The following SKAP1 variants were observed in gnomAD, a reference collection of about 807,000 sequenced individuals.
The protein encoded by SKAP1 is src kinase associated phosphoprotein 1, also known as src kinase-associated phosphoprotein 1.
In SKAP1, 44 loss-of-function variants were observed where a neutral mutation model predicts 58.5. The ratio of observed to expected loss-of-function variants is 0.75; its 90% confidence interval spans 0.59 to 0.97. The LOEUF is 0.97. Ranked by LOEUF, SKAP1 falls within the 50% of genes least tolerant of loss-of-function variation. The pLI is 0.00. For synonymous variants in SKAP1, 127 were observed against 149.7 expected, an observed-to-expected ratio of 0.85 and a Z score of 1.11; for missense variants, 390 against 435.2, an observed-to-expected ratio of 0.90 and a Z score of 0.92.
rs200009133 is a variant in SKAP1 at position 48,320,818 on chromosome 17, C to T, written c.280+25087G>A. Among the ~76,000 whole-genome samples, 12 of 152,058 alleles carry T rather than the reference C, an allele frequency of 7.9e-5. No individual in the cohort carries two copies. In the East Asian group the frequency reaches 2.3e-3, roughly 29 times the overall value. Reference sequence around the variant, plus strand: ...TCAGTAATAGTGGTAATTAAAAGAACAATAATGAATAAAATTCCTAGATAC... The same window carrying T: ...TCAGTAATAGTGGTAATTAAAAGAATAATAATGAATAAAATTCCTAGATAC... On this transcript the variant is annotated intron_variant, in intron 4 of 12. Coordinates refer to ENST00000336915, the MANE Select transcript of SKAP1 (RefSeq NM_003726.4).
intron 4 of SKAP1, among the ~76,000 whole-genome samples, chr17:48,213,839 A>C (rs1003866048): frequency 1.3e-5 from 2 of 152,354 alleles, no homozygotes; most frequent in South Asian, 2.1e-4. Flanking sequence ...GTCTATCCAC[A>C]CAACCTGGAG....
At chr17:48,255,553 T>C (rs2065414079) in intron 4 of SKAP1, among the ~76,000 whole-genome samples, 2 of 151,986 alleles carry the variant, frequency 1.3e-5, no homozygotes, top group African/African-American at 4.8e-5. Context: ...TTCAAAATGA[T>C]TCCCCTAACA....
At chr17:48,187,497 A>C (rs1480429404) in intron 6 of SKAP1, among the ~76,000 whole-genome samples, 1 of 152,146 alleles carries the variant, frequency 6.6e-6, no homozygotes, top group Non-Finnish European at 1.5e-5. Context: ...AATTTATTTC[A>C]ATTTTTAGCT....
At chr17:48,279,678 G>A (rs2065743959) in intron 4 of SKAP1, among the ~76,000 whole-genome samples, 1 of 152,156 alleles carries the variant, frequency 6.6e-6, no homozygotes, top group African/African-American at 2.4e-5. Flanking sequence ...TGTCATGAAT[G>A]TGTAAACATG....
chr17:48,319,075 G>C (rs2066327012), intron 4 of SKAP1, among the ~76,000 whole-genome samples: 1 of 152,154 alleles, frequency 6.6e-6, no homozygotes, highest in African/African-American at 2.4e-5. Context: ...TTTTCTGAGA[G>C]AGTGAACAAA....
chr17:48,437,377 TA>T, the SKAP1 span, among the ~76,000 whole-genome samples: 1 of 152,314 alleles, frequency 6.6e-6, no homozygotes, highest in African/African-American at 2.4e-5. Context: ...TTGGAGATCA[TA>T]ATCCCTACAT....
chr17:48,311,137 G>A (rs961333943), intron 4 of SKAP1, among the ~76,000 whole-genome samples: 1 of 152,130 alleles, frequency 6.6e-6, no homozygotes, highest in African/African-American at 2.4e-5. Context: ...GTCTCACAAT[G>A]AAAGCCCATC....
chr17:48,366,964 G>A (rs146774849), intron 2 of SKAP1, among the ~76,000 whole-genome samples: 2 of 152,188 alleles, frequency 1.3e-5, no homozygotes, highest in African/African-American at 2.4e-5. Flanking sequence ...TCATGCAGTG[G>A]CAGTTAAAAG....
chr17:48,264,744 A>AC (rs1290772006), intron 4 of SKAP1, among the ~76,000 whole-genome samples: 3 of 131,840 alleles, frequency 2.3e-5, no homozygotes, highest in South Asian at 2.4e-4. Context: ...CAAATCTACA[A>AC]AACACACACA....
intron 4 of SKAP1, among the ~76,000 whole-genome samples, chr17:48,204,996 T>TCTTTCTTC: frequency 2.4e-5 from 1 of 40,834 alleles, no homozygotes. Context: ...TTTCTTTCTT[T>TCTTTCTTC]CTTTCTTTCT....
the SKAP1 span, among the ~76,000 whole-genome samples, chr17:48,441,322 G>A: frequency 6.6e-6 from 1 of 152,062 alleles, no homozygotes; most frequent in African/African-American, 2.4e-5. Context: ...GACTAGCCTG[G>A]ATGTCCCTGG....
chr17:48,260,272 T>C (rs2065470342), intron 4 of SKAP1, among the ~76,000 whole-genome samples: 1 of 152,150 alleles, frequency 6.6e-6, no homozygotes, highest in Non-Finnish European at 1.5e-5. Context: ...TAAGAAGCCA[T>C]TAAGAAATCT....
chr17:48,391,228 G>A (rs1050930982), intron 2 of SKAP1, among the ~76,000 whole-genome samples: 2 of 152,054 alleles, frequency 1.3e-5, no homozygotes, highest in Non-Finnish European at 2.9e-5. Flanking sequence ...ATTAAAAAAT[G>A]TTATTTAAGA....
At chr17:48,168,570 T>C (rs2064169919) in intron 10 of SKAP1, among the ~76,000 whole-genome samples, 1 of 152,166 alleles carries the variant, frequency 6.6e-6, no homozygotes. Flanking sequence ...GGCAGAAGAA[T>C]CACTTGAACC....
intron 4 of SKAP1, among the ~76,000 whole-genome samples, chr17:48,340,371 G>GA (rs1321664039): frequency 6.6e-6 from 1 of 151,470 alleles, no homozygotes; most frequent in African/African-American, 2.4e-5. Context: ...ACAAAACATG[G>GA]AAAAAAATGA....
intron 4 of SKAP1, among the ~76,000 whole-genome samples, chr17:48,256,228 G>T (rs2065422142): frequency 6.6e-6 from 1 of 151,674 alleles, no homozygotes; most frequent in Non-Finnish European, 1.5e-5. Flanking sequence ...AGGGCAAAAA[G>T]GTCCAGAGAG....
intron 10 of SKAP1, among the ~76,000 whole-genome samples, chr17:48,168,460 C>T (rs1250413634): frequency 6.6e-6 from 1 of 152,126 alleles, no homozygotes; most frequent in Non-Finnish European, 1.5e-5. Context: ...AGTTCCAGAC[C>T]AGCCTGGCCA....
chr17:48,360,902 T>G (rs2144388291), intron 3 of SKAP1, among the ~76,000 whole-genome samples: 1 of 152,220 alleles, frequency 6.6e-6, no homozygotes, highest in South Asian at 2.1e-4. Flanking sequence ...CTTACACACA[T>G]TACTACTAAT....
chr17:48,157,385 G>GCA (rs1333875706), intron 11 of SKAP1, among the ~76,000 whole-genome samples: 2 of 151,550 alleles, frequency 1.3e-5, no homozygotes, highest in Non-Finnish European at 2.9e-5. Flanking sequence ...ACAGGTACCT[G>GCA]CCACCACACC....
Sources: allele counts gnomAD v4.1 joint callset (sites outside exome capture counted in the v4.1 genomes callset), GRCh38; gene constraint gnomAD v4.1.1; transcripts MANE v1.5; gene names NCBI Gene and HGNC (gene_info 2026-07-23, HGNC 2026-07-21).